Variants in TENM3 observed in about 807,000 individuals in gnomAD.
TENM3 encodes teneurin-3.
TENM3 carries 63 observed loss-of-function variants against 255.1 expected under a neutral mutation model. The observed-to-expected ratio is 0.25, with a 90% CI of 0.20 to 0.30. TENM3 has a LOEUF of 0.30. Among genes scored for constraint, TENM3 ranks in the 10% least tolerant of loss-of-function variants. TENM3 has a pLI of 1.00. For synonymous variants in TENM3, 1,306 were observed against 1,322.3 expected, an observed-to-expected ratio of 0.99 and a Z score of 0.27; for missense variants, 2,929 against 3,461.1, an observed-to-expected ratio of 0.85 and a Z score of 3.86.
intron 3 of TENM3, among the ~76,000 whole-genome samples, chr4:182,568,772 A>AT (rs1254156486): frequency 4.6e-5 from 7 of 152,212 alleles, no homozygotes; most frequent in Admixed American, 3.9e-4. Flanking sequence ...TGATATATTC[A>AT]TTCAATGGAA....
chr4:182,757,934 G>A (rs1762854668), intron 22 of TENM3, among the ~76,000 whole-genome samples: 1 of 151,782 alleles, frequency 6.6e-6, no homozygotes, highest in Non-Finnish European at 1.5e-5. Flanking sequence ...ATTCCAAAAA[G>A]CATTATTAAA....
chr4:182,141,998 T>G (rs572129592), upstream of TENM3: 11 of 152,324 alleles, frequency 7.2e-5, no homozygotes, highest in East Asian at 1.9e-4. Context: ...TGTGTGTGTG[T>G]GGGAACTAGG....
At chr4:181,802,541 G>T in the TENM3 span, among the ~76,000 whole-genome samples, 11 of 152,276 alleles carry the variant, frequency 7.2e-5, no homozygotes, top group South Asian at 2.3e-3. Flanking sequence ...TTTGTAGTTT[G>T]AAAGCAAATT....
In TENM3 at chr4:182,321,560, AG is replaced by A. The variant is rs565115491; in HGVS notation, c.-75-2384del. The stretch of plus-strand genomic sequence containing the variant: ...AGAATTGCTTGAACCTGGGAGGCAA[AG>A]GTTGCAGCAAGCCAAGATTGTGCCA... On this transcript the variant is annotated intron_variant, in intron 1 of 27. Coordinates refer to ENST00000511685, the MANE Select transcript of TENM3 (RefSeq NM_001080477.4). Among the ~76,000 whole-genome samples, 889 of 152,208 alleles carry A rather than the reference AG, an allele frequency of 5.8e-3. 8 individuals carry two copies. The highest frequency in any genetic ancestry group is 0.02 in the African/African-American group (845 of 41,534).
intron 2 of TENM3, among the ~76,000 whole-genome samples, chr4:182,330,899 T>C (rs1763705394): frequency 6.6e-6 from 1 of 152,064 alleles, no homozygotes; most frequent in African/African-American, 2.4e-5. Context: ...TGGAGGAAAG[T>C]AGAAAAGTAA....
At chr4:182,347,815 A>G (rs77153435) in intron 3 of TENM3, among the ~76,000 whole-genome samples, 406 of 152,330 alleles carry the variant, frequency 2.7e-3, no homozygotes, top group African/African-American at 9.3e-3. Context: ...TGCACTTGCT[A>G]TTTCAGTCTA....
At chr4:182,675,371 A>G (rs1278807882) in intron 7 of TENM3, among the ~76,000 whole-genome samples, 1 of 151,970 alleles carries the variant, frequency 6.6e-6, no homozygotes, top group Non-Finnish European at 1.5e-5. Context: ...GTGAAACCCC[A>G]TCTCTACTAA....
the TENM3 span, among the ~76,000 whole-genome samples, chr4:182,126,113 T>C: frequency 6.6e-6 from 1 of 152,158 alleles, no homozygotes; most frequent in African/African-American, 2.4e-5. Context: ...CCATATTATT[T>C]GTACAGATTT....
At chr4:182,643,489 T>A (rs1752490665) in intron 5 of TENM3, among the ~76,000 whole-genome samples, 1 of 152,210 alleles carries the variant, frequency 6.6e-6, no homozygotes. Context: ...TCATAGAATA[T>A]AAATCTGGAA....
At chr4:182,375,569 T>C (rs1284821436) in intron 3 of TENM3, among the ~76,000 whole-genome samples, 1 of 152,054 alleles carries the variant, frequency 6.6e-6, no homozygotes, top group Non-Finnish European at 1.5e-5. Context: ...TGAGACAGAG[T>C]CTTACTCTGT....
At chr4:182,669,849 T>A (rs1461972312) in intron 6 of TENM3, among the ~76,000 whole-genome samples, 1 of 152,200 alleles carries the variant, frequency 6.6e-6, no homozygotes, top group Non-Finnish European at 1.5e-5. Context: ...GGCCACATCA[T>A]TTACTTCTCT....
At chr4:181,511,603 G>A in the TENM3 span, among the ~76,000 whole-genome samples, 3 of 152,158 alleles carry the variant, frequency 2.0e-5, no homozygotes, top group Non-Finnish European at 4.4e-5. Context: ...ATTTGACTCT[G>A]ACTTCAAGAA....
At chr4:181,900,943 T>A in the TENM3 span, among the ~76,000 whole-genome samples, 65 of 152,332 alleles carry the variant, frequency 4.3e-4, no homozygotes, top group Non-Finnish European at 8.5e-4. Flanking sequence ...GTGCACACAC[T>A]CTCATTTCCG....
the TENM3 span, among the ~76,000 whole-genome samples, chr4:181,948,303 T>C: frequency 6.6e-6 from 1 of 152,218 alleles, no homozygotes; most frequent in South Asian, 2.1e-4. Flanking sequence ...TTTAATAGGA[T>C]AAGCTGATAT....
At chr4:182,189,647 G>A (rs565481923) in intron 1 of TENM3, among the ~76,000 whole-genome samples, 1 of 152,252 alleles carries the variant, frequency 6.6e-6, no homozygotes, top group South Asian at 2.1e-4. Context: ...CATCTCAGAA[G>A]TTGGTGGTCT....
At chr4:182,057,389 CT>C in the TENM3 span, among the ~76,000 whole-genome samples, 10 of 148,550 alleles carry the variant, frequency 6.7e-5, no homozygotes, top group Non-Finnish European at 8.9e-5. Context: ...TATCTTTTAT[CT>C]TTTTTTTCTT....
At chr4:182,154,632 CTCAG>C (rs1750580107) in intron 1 of TENM3, among the ~76,000 whole-genome samples, 1 of 152,110 alleles carries the variant, frequency 6.6e-6, no homozygotes, top group Non-Finnish European at 1.5e-5. Context: ...TTGCGGGGTA[CTCAG>C]TCATTTAAGT....
chr4:182,769,439 A>G (rs74289541), intron 22 of TENM3, among the ~76,000 whole-genome samples: 10,910 of 152,244 alleles, frequency 0.072, 533 homozygotes, highest in East Asian at 0.16. Flanking sequence ...GAAAAAAAAA[A>G]AAATGATGTG....
chr4:182,323,078 T>A (rs1763159251), intron 1 of TENM3, among the ~76,000 whole-genome samples: 1 of 152,066 alleles, frequency 6.6e-6, no homozygotes, highest in Non-Finnish European at 1.5e-5. Context: ...CCCGGGCCAC[T>A]CTCCCTCTTG....
Sources: gnomAD v4.1 joint callset for allele counts (sites outside exome capture counted in the v4.1 genomes callset) on GRCh38, gnomAD v4.1.1 for gene constraint, MANE v1.5 for transcripts, NCBI Gene and HGNC (gene_info 2026-07-23, HGNC 2026-07-21) for gene names.